ACSM5: variants seen among roughly 807,000 people sequenced by gnomAD.
ACSM5 encodes acyl-coenzyme A synthetase ACSM5, mitochondrial.
Under a neutral mutation model 71.6 loss-of-function variants are expected in ACSM5, and 56 were observed. That is an observed-to-expected ratio of 0.78 (90% confidence interval 0.63 to 0.98). The LOEUF (loss-of-function observed/expected upper bound fraction) is 0.98, where lower values mean the gene tolerates loss of function less well. Ranked by LOEUF, ACSM5 falls within the 50% of genes least tolerant of loss-of-function variation. The pLI, the probability that ACSM5 is intolerant of heterozygous loss-of-function variation, is 0.00. For synonymous variants in ACSM5, 285 were observed against 281.5 expected (o/e 1.01, Z -0.12); for missense variants, 723 against 726.0 (o/e 1.00, Z 0.05).
At chr16:20,423,158 G>C (rs935292379) in intron 5 of ACSM5, among the ~76,000 whole-genome samples, 1 of 152,160 alleles carries the variant, frequency 6.6e-6, no homozygotes, top group South Asian at 2.1e-4. Context: ...AAAGAGAATG[G>C]GTCTCAGGAC....
intron 4 of ACSM5, 37 bp from the exon 5 acceptor site, chr16:20,421,221 C>A (rs1966877293): frequency 2.0e-6 from 3 of 1,529,426 alleles, no homozygotes; most frequent in East Asian, 4.8e-5. Flanking sequence ...ACTGTTTTTA[C>A]CGTGGTAGTG....
chr16:20,410,687 C>T (rs1276693396), intron 1 of ACSM5, among the ~76,000 whole-genome samples: 1 of 152,068 alleles, frequency 6.6e-6, no homozygotes, highest in African/African-American at 2.4e-5. Flanking sequence ...GATGGCACCA[C>T]CGTACTCTAG....
chr16:20,438,976 AAAG>A lies in ACSM5; in HGVS notation c.1537-823_1537-821del, dbSNP rs1413354463. Among the ~76,000 whole-genome samples the A allele has an allele frequency of 3.5e-3, 518 of 148,910 alleles. 5 individuals are homozygous for A. The highest frequency in any genetic ancestry group is 0.012 in the African/African-American group (496 of 40,322). On this transcript the variant is annotated intron_variant, in intron 12 of 13. Coordinates refer to ENST00000331849, the MANE Select transcript of ACSM5 (RefSeq NM_017888.3). ...TCTTAAAAAAAAAAAAAAAAAAAAA[AAAG>A]TGTCCAACAAATGTTTCGTAGTTAC... is the stretch of plus-strand genomic sequence containing the variant.
rs185885808 is a variant in ACSM5 at position 20,427,770 on chromosome 16, C to T, written c.922-18C>T. On this transcript the variant is annotated intron_variant, in intron 6 of 13. Transcript: ENST00000331849. ...CCAATGATTCTAAGGACATCTTTCA[C>T]CCTTTGTTTTTGTTTAGACTCTCTC... 8.3e-6 allele frequency: 13 copies of T among 1,568,836 alleles called. No homozygotes were observed. Among genetic ancestry groups the T allele is most frequent in the African/African-American group, 8.1e-5 (6 of 74,046 alleles).
chr16:20,437,081 A>G lies in ACSM5; in HGVS notation c.1338A>G (p.Glu446=), dbSNP rs1371365437. 4 of 1,614,074 alleles carry G rather than the reference A, an allele frequency of 2.5e-6. No individual in the cohort carries two copies. The African/African-American group carries it at 5.3e-5, about 22-fold the overall frequency. Reference sequence around the variant, plus strand: ...ATCCTGAGAAGACAGCTGCATCAGAACAAGGGGACTTTTACATCACAGGGG... The same window carrying G: ...ATCCTGAGAAGACAGCTGCATCAGAGCAAGGGGACTTTTACATCACAGGGG... ...LDNPEKTAAS[E]QGDFYITGDR... Residue 446 remains glutamate, a synonymous_variant, in exon 11 of 14, where the codon GAA becomes GAG. Coordinates refer to ENST00000331849, the MANE Select transcript of ACSM5 (RefSeq NM_017888.3).
chr16:20,415,451 T>G (rs530657694), intron 2 of ACSM5, among the ~76,000 whole-genome samples: 3 of 152,204 alleles, frequency 2.0e-5, no homozygotes, highest in Non-Finnish European at 4.4e-5. Context: ...GAGGAGCCAC[T>G]TCCCTAATGG....
At chr16:20,424,182 T>G in intron 6 of ACSM5, 113 bp downstream of exon 6, 1 of 1,344,568 alleles carries the variant, frequency 7.4e-7, no homozygotes, top group Non-Finnish European at 1.0e-6. Flanking sequence ...TAAGGCTTCT[T>G]TGGTGTGGCT....
intron 2 of ACSM5, among the ~76,000 whole-genome samples, chr16:20,415,546 C>T (rs1306788178): frequency 6.6e-6 from 1 of 152,162 alleles, no homozygotes; most frequent in South Asian, 2.1e-4. Context: ...TTGTACTGGA[C>T]AGAGAGAGGA....
At position 20,419,441 on chromosome 16, in the gene ACSM5, T is replaced by A. The variant is rs200884260; in HGVS notation, c.623+6T>A. The stretch of plus-strand genomic sequence containing the variant: ...AACTTCAGGGAACTCCTCCGGTGAA[T>A]TGGGGCTCTCCAGAACAGCAGAAAA... On this transcript the variant is annotated splice_donor_region_variant and intron_variant, in intron 4 of 13. Transcript: ENST00000331849. 15 of 1,613,630 alleles carry A rather than the reference T, an allele frequency of 9.3e-6. No individual in the cohort carries two copies. The South Asian group carries it at 1.4e-4, about 15-fold the overall frequency.
At position 20,437,110 on chromosome 16, in the gene ACSM5, G is replaced by A. The variant is rs369151501; in HGVS notation, c.1367G>A (p.Arg456Gln). Residue 456 changes from arginine to glutamine, a missense_variant, in exon 11 of 14, where the codon CGA becomes CAA. Physicochemically the swap from Arg to Gln is conservative, Grantham distance 43 (BLOSUM62 1). Transcript: ENST00000331849. ...GGGGACTTTTACATCACAGGGGACC[G>A]AGCTCGCATGGACAAGGATGGCTAC... The part of the protein sequence containing the change: ...EQGDFYITGD[R>Q]ARMDKDGYFW... 10 of 1,614,082 alleles carry A rather than the reference G, an allele frequency of 6.2e-6. No homozygotes were observed. The highest frequency in any genetic ancestry group is 1.6e-4 in the Middle Eastern group (1 of 6,084).
At chr16:20,434,303 TA>T (rs1967153846) in intron 10 of ACSM5, among the ~76,000 whole-genome samples, 1 of 152,190 alleles carries the variant, frequency 6.6e-6, no homozygotes, top group Admixed American at 6.5e-5. Context: ...TGATATGAGA[TA>T]GGGGTCTATT....
chr16:20,422,180 C>T (rs1034096251), intron 5 of ACSM5, among the ~76,000 whole-genome samples: 7 of 151,896 alleles, frequency 4.6e-5, no homozygotes, highest in African/African-American at 1.5e-4. Flanking sequence ...GGTGCGATCT[C>T]CACTCACTGC....
At chr16:20,421,141 A>C (rs1378719398) in intron 4 of ACSM5, 117 bp from the exon 5 acceptor site, 1 of 1,317,972 alleles carries the variant, frequency 7.6e-7, no homozygotes, top group Non-Finnish European at 1.0e-6. Flanking sequence ...AGCTTTCAGC[A>C]CAGCACCTCA....
intron 3 of ACSM5, among the ~76,000 whole-genome samples, chr16:20,419,023 A>C (rs551124088): frequency 6.6e-6 from 1 of 152,168 alleles, no homozygotes; most frequent in East Asian, 1.9e-4. Context: ...CAGTGAGCCT[A>C]GCAAGCCTCC....
At chr16:20,419,060 T>C (rs1176694563) in intron 3 of ACSM5, among the ~76,000 whole-genome samples, 168 bp from the exon 4 acceptor site, 6 of 152,152 alleles carry the variant, frequency 3.9e-5, no homozygotes, top group African/African-American at 1.2e-4. Context: ...TAAGTGATCA[T>C]GCACTTATTC....
Position 20,418,183 on chromosome 16 carries a change from G to A in ACSM5, c.329G>A (p.Cys110Tyr), listed in dbSNP as rs1233946584. ...RKAANVLGGA[C>Y]GLQPGDRMML... ...GCAGCCAATGTGCTGGGGGGTGCAT[G>A]CGGCCTGCAGCCTGGGGACAGAATG... The change falls in exon 3 of 14, where the codon TGC becomes TAC. Residue 110 changes from cysteine (C) to tyrosine (Y), a missense_variant. By Grantham distance (194) the Cys-to-Tyr change is radical (BLOSUM62 -2). Coordinates refer to ENST00000331849, the MANE Select transcript of ACSM5 (RefSeq NM_017888.3). The A allele has an allele frequency of 6.2e-7, 1 of 1,613,168 alleles. No individual in the cohort carries two copies. The highest frequency in any genetic ancestry group is 8.5e-7 in the Non-Finnish European group (1 of 1,179,880).
intron 1 of ACSM5, 64 bp from the exon 2 acceptor site, chr16:20,411,406 C>T: frequency 7.2e-7 from 1 of 1,388,040 alleles, no homozygotes; most frequent in South Asian, 1.2e-5. Context: ...TTTCTCCTAA[C>T]CTATGTGTTG....
At chr16:20,412,373 A>G (rs1364497082) in intron 2 of ACSM5, among the ~76,000 whole-genome samples, 1 of 152,128 alleles carries the variant, frequency 6.6e-6, no homozygotes, top group Non-Finnish European at 1.5e-5. Flanking sequence ...ATAAAATACA[A>G]CAAAACAAAA....
intron 4 of ACSM5, among the ~76,000 whole-genome samples, chr16:20,420,739 T>G (rs1966874829): frequency 6.6e-6 from 1 of 152,224 alleles, no homozygotes; most frequent in Non-Finnish European, 1.5e-5. Flanking sequence ...GATTTTATTT[T>G]GTTCAGGGTG....
Sources: gnomAD v4.1 joint callset for allele counts (sites outside exome capture counted in the v4.1 genomes callset) on GRCh38, gnomAD v4.1.1 for gene constraint, MANE v1.5 for transcripts, NCBI Gene and HGNC (gene_info 2026-07-23, HGNC 2026-07-21) for gene names.